TEAD1: variants seen among roughly 807,000 people sequenced by gnomAD.
TEAD1 encodes TEA domain transcription factor 1, also known as transcriptional enhancer factor TEF-1.
TEAD1 carries 9 observed loss-of-function variants against 54.9 expected under a neutral mutation model. The ratio of observed to expected loss-of-function variants is 0.16; its 90% CI spans 0.10 to 0.29. TEAD1 has a LOEUF of 0.29. TEAD1 is among the 10% of genes least tolerant of loss of function. TEAD1 has a pLI of 1.00. For missense variants in TEAD1, 387 were observed against 535.9 expected (o/e 0.72, Z 2.74); for synonymous variants, 200 against 187.8 (o/e 1.07, Z -0.53).
At chr11:12,843,682 G>GT (rs1947085669) in intron 3 of TEAD1, among the ~76,000 whole-genome samples, 1 of 152,138 alleles carries the variant, frequency 6.6e-6, no homozygotes, top group Admixed American at 6.5e-5. Flanking sequence ...TTCAGTTTGT[G>GT]TTTTAAAAAG....
At chr11:12,920,344 A>G (rs1449162343) in intron 10 of TEAD1, among the ~76,000 whole-genome samples, 1 of 152,202 alleles carries the variant, frequency 6.6e-6, no homozygotes, top group African/African-American at 2.4e-5. Flanking sequence ...TTAACATTTT[A>G]AAATTATATA....
intron 3 of TEAD1, among the ~76,000 whole-genome samples, chr11:12,862,006 TAAAAA>T (rs932582778): frequency 1.5e-5 from 2 of 133,652 alleles, no homozygotes; most frequent in African/African-American, 5.8e-5. Context: ...TTTTTTTTTT[TAAAAA>T]AAAGGATAAA....
At chr11:12,686,408 C>T (rs1364257965) in intron 2 of TEAD1, among the ~76,000 whole-genome samples, 1 of 152,148 alleles carries the variant, frequency 6.6e-6, no homozygotes, top group Non-Finnish European at 1.5e-5. Context: ...GCTATTTCAA[C>T]CAAATTGTTT....
intron 3 of TEAD1, among the ~76,000 whole-genome samples, chr11:12,813,355 G>A (rs1418713576): frequency 6.6e-6 from 1 of 152,220 alleles, no homozygotes; most frequent in African/African-American, 2.4e-5. Flanking sequence ...CCTCAAGTGA[G>A]CCAAATTAGG....
intron 9 of TEAD1, among the ~76,000 whole-genome samples, chr11:12,891,449 T>C (rs925498392): frequency 5.9e-5 from 9 of 152,066 alleles, no homozygotes; most frequent in Non-Finnish European, 1.2e-4. Flanking sequence ...AGGGGAGAGA[T>C]GTTATGGAGA....
At chr11:12,794,311 G>A (rs184541168) in intron 3 of TEAD1, among the ~76,000 whole-genome samples, 124 of 152,286 alleles carry the variant, frequency 8.1e-4, no homozygotes, top group Non-Finnish European at 1.3e-3. Flanking sequence ...CCTCATTAGC[G>A]TGATAGTCTC....
chr11:12,930,631 A>C (rs1339176767), intron 12 of TEAD1, among the ~76,000 whole-genome samples: 1 of 152,194 alleles, frequency 6.6e-6, no homozygotes, highest in African/African-American at 2.4e-5. Context: ...AGGCCTGGAG[A>C]ACTTTTAAAC....
At chr11:12,712,109 C>T (rs539427955) in intron 2 of TEAD1, among the ~76,000 whole-genome samples, 3 of 152,270 alleles carry the variant, frequency 2.0e-5, no homozygotes, top group South Asian at 2.1e-4. Context: ...CAGTCCCCAA[C>T]CTTATGGGGC....
intron 3 of TEAD1, among the ~76,000 whole-genome samples, chr11:12,830,752 ACACATG>A: frequency 6.6e-6 from 1 of 151,632 alleles, no homozygotes; most frequent in South Asian, 2.1e-4. Context: ...TCACACACAC[ACACATG>A]CACGCACACG....
At chr11:12,862,374 C>T (rs1460660924) in intron 4 of TEAD1, 60 bp downstream of exon 4, 2 of 1,502,454 alleles carry the variant, frequency 1.3e-6, no homozygotes, top group South Asian at 1.1e-5. Flanking sequence ...GGCATTTTGG[C>T]TGCAGTGGCT....
intron 2 of TEAD1, among the ~76,000 whole-genome samples, chr11:12,695,621 A>C (rs891462650): frequency 5.3e-5 from 8 of 152,192 alleles, no homozygotes; most frequent in Non-Finnish European, 1.0e-4. Context: ...AACCACACAG[A>C]GCACAGCCCA....
chr11:12,941,402 A>G lies in TEAD1; in HGVS notation c.*4180A>G, dbSNP rs1949160906. ...CCAAAAAACAGCCCCCATTCCAAGT[A>G]CTTGGTGTCAAAAGTCCCCGAACGA... On this transcript the variant is annotated 3_prime_UTR_variant, in exon 13 of 13. Transcript: ENST00000527636. The G allele has an allele frequency of 6.6e-6, 1 of 152,176 alleles. No homozygotes were observed. Among genetic ancestry groups the G allele is most frequent in the Admixed American group, 6.5e-5 (1 of 15,278 alleles). The allele number at this position is 152,176 out of a possible 1,614,324, so 9.4% of individuals were successfully genotyped here.
rs147825213 is a variant in TEAD1, at chr11:12,741,703, T to C, written c.-54-22476T>C. On this transcript the variant is annotated intron_variant, in intron 2 of 12. Coordinates refer to ENST00000527636, the MANE Select transcript of TEAD1 (RefSeq NM_021961.6). ...TTATTAGTTCTGTGTTGGAGAAAAA[T>C]GCAGGTTCAGGATATTAAAGAGGAG... Among the ~76,000 whole-genome samples, 808 of 152,280 alleles carry C rather than the reference T, an allele frequency of 5.3e-3. 6 individuals carry two copies. Among genetic ancestry groups the C allele is most frequent in the African/African-American group, 0.018 (761 of 41,552 alleles).
At chr11:12,933,531 C>T (rs1164055968) in intron 12 of TEAD1, among the ~76,000 whole-genome samples, 1 of 152,024 alleles carries the variant, frequency 6.6e-6, no homozygotes, top group African/African-American at 2.4e-5. Context: ...AGTTGTTATA[C>T]TATATTTCTA....
intron 3 of TEAD1, among the ~76,000 whole-genome samples, chr11:12,779,130 T>TA (rs1276097102): frequency 6.6e-6 from 1 of 152,186 alleles, no homozygotes; most frequent in East Asian, 1.9e-4. Flanking sequence ...GTGTAAATGT[T>TA]ACTTTTTTCA....
chr11:12,933,313 G>A (rs1949044766), intron 12 of TEAD1, among the ~76,000 whole-genome samples: 1 of 152,058 alleles, frequency 6.6e-6, no homozygotes, highest in African/African-American at 2.4e-5. Context: ...ATATATATTA[G>A]AATTAATAGT....
chr11:12,724,817 G>A (rs1388804386), intron 2 of TEAD1, among the ~76,000 whole-genome samples: 1 of 152,146 alleles, frequency 6.6e-6, no homozygotes, highest in African/African-American at 2.4e-5. Flanking sequence ...TGGCTCCTTT[G>A]TACTGGTCTT....
intron 2 of TEAD1, among the ~76,000 whole-genome samples, chr11:12,745,704 T>A (rs1944734230): frequency 6.7e-6 from 1 of 149,026 alleles, no homozygotes; most frequent in African/African-American, 2.5e-5. Context: ...AACTGCAAAA[T>A]AAGGTGACAA....
intron 2 of TEAD1, among the ~76,000 whole-genome samples, chr11:12,724,293 G>T (rs998184983): frequency 2.6e-5 from 4 of 152,226 alleles, no homozygotes; most frequent in African/African-American, 9.6e-5. Flanking sequence ...GAATAACTGG[G>T]TCTATGTACA....
Sources: gnomAD v4.1 joint callset for allele counts (sites outside exome capture counted in the v4.1 genomes callset) on GRCh38, gnomAD v4.1.1 for gene constraint, MANE v1.5 for transcripts, NCBI Gene and HGNC (gene_info 2026-07-23, HGNC 2026-07-21) for gene names.